Variants in GCNT2 observed in about 807,000 individuals in gnomAD.
GCNT2 encodes the protein glucosaminyl (N-acetyl) transferase 2 (I blood group), also known as N-acetyllactosaminide beta-1,6-N-acetylglucosaminyl-transferase.
GCNT2 carries 34 observed loss-of-function variants against 34.2 expected under a neutral mutation model. The observed-to-expected ratio is 1.00, with a 90% CI of 0.76 to 1.32. GCNT2 has a LOEUF of 1.32. GCNT2 is among the 40% of genes most tolerant of loss of function. The probability of loss-of-function intolerance (pLI) is 0.00; values close to 1 mark genes in which losing one functional copy is unlikely to be tolerated. For missense variants in GCNT2, 584 were observed against 489.4 expected, an observed-to-expected ratio of 1.19 and a Z score of -1.82; for synonymous variants, 212 against 188.0, an observed-to-expected ratio of 1.13 and a Z score of -1.04.
intron 3 of GCNT2, chr6:10,573,184 T>A: frequency 1.0e-5 from 10 of 982,562 alleles, no homozygotes; most frequent in Non-Finnish European, 1.2e-5. Context: ...TGGCAGCAGC[T>A]GGATTGTCAA....
At chr6:10,588,350 A>G (rs887724156) in intron 3 of GCNT2, among the ~76,000 whole-genome samples, 6 of 151,550 alleles carry the variant, frequency 4.0e-5, no homozygotes, top group Admixed American at 6.6e-5. Context: ...TTTTGTTGGT[A>G]TAGTTGGTGA....
At chr6:10,618,756 T>TC (rs397723225) in intron 3 of GCNT2, among the ~76,000 whole-genome samples, 1 of 151,774 alleles carries the variant, frequency 6.6e-6, no homozygotes, top group Admixed American at 6.6e-5. Context: ...TAGCTTCCTT[T>TC]AGATAGGCAA....
chr6:10,598,738 T>C (rs1430362784), intron 3 of GCNT2, among the ~76,000 whole-genome samples: 4 of 152,146 alleles, frequency 2.6e-5, no homozygotes, highest in Admixed American at 6.5e-5. Context: ...GCTAGTGTAG[T>C]GTATTCAGTG....
chr6:10,593,265 T>A (rs1764724308), intron 3 of GCNT2, among the ~76,000 whole-genome samples: 1 of 152,234 alleles, frequency 6.6e-6, no homozygotes, highest in Admixed American at 6.5e-5. Flanking sequence ...AGATCATTTC[T>A]CCAACTCATT....
chr6:10,542,432 AT>A (rs1401820651), intron 3 of GCNT2, among the ~76,000 whole-genome samples: 2 of 152,164 alleles, frequency 1.3e-5, no homozygotes, highest in Non-Finnish European at 2.9e-5. Context: ...CAATGTAATG[AT>A]TTTTAGTGCC....
intron 3 of GCNT2, among the ~76,000 whole-genome samples, chr6:10,618,467 T>C (rs960720704): frequency 2.6e-5 from 4 of 152,216 alleles, no homozygotes; most frequent in African/African-American, 9.6e-5. Flanking sequence ...TTATCAGTAT[T>C]AAAGAGAATG....
At chr6:10,553,179 A>G (rs866676176) in intron 3 of GCNT2, among the ~76,000 whole-genome samples, 22 of 152,336 alleles carry the variant, frequency 1.4e-4, no homozygotes, top group Middle Eastern at 3.4e-3. Flanking sequence ...CGTACATGCA[A>G]TTAAATAGAG....
chr6:10,590,338 G>A (rs948956755), intron 3 of GCNT2, among the ~76,000 whole-genome samples: 1 of 151,196 alleles, frequency 6.6e-6, no homozygotes, highest in African/African-American at 2.4e-5. Context: ...AATCAAGGCT[G>A]CAGTGAGCAT....
At chr6:10,577,864 G>T (rs1763890574) in intron 3 of GCNT2, among the ~76,000 whole-genome samples, 1 of 151,918 alleles carries the variant, frequency 6.6e-6, no homozygotes, top group Non-Finnish European at 1.5e-5. Context: ...TAAAGCAAAC[G>T]CCAGGTCATT....
At chr6:10,563,777 AATATATATATATATAT>A (rs70991026) in intron 3 of GCNT2, among the ~76,000 whole-genome samples, 3 of 24,708 alleles carry the variant, frequency 1.2e-4, no homozygotes, top group African/African-American at 3.9e-4. Flanking sequence ...AAAAAAAAAA[AATATATATATATATAT>A]ATATATATAT....
At chr6:10,524,844 A>G (rs1761111757) in intron 1 of GCNT2, among the ~76,000 whole-genome samples, 2 of 139,034 alleles carry the variant, frequency 1.4e-5, no homozygotes, top group Non-Finnish European at 3.1e-5. Flanking sequence ...CCCCCAAAAA[A>G]AAGAAAAGGA....
chr6:10,582,241 TA>T (rs1375014844), intron 3 of GCNT2, among the ~76,000 whole-genome samples: 1 of 119,774 alleles, frequency 8.3e-6, no homozygotes, highest in Non-Finnish European at 1.6e-5. Flanking sequence ...TTTAAATATA[TA>T]AAATATATAT....
chr6:10,541,399 T>C (rs1467101376), intron 3 of GCNT2, among the ~76,000 whole-genome samples: 2 of 152,226 alleles, frequency 1.3e-5, no homozygotes, highest in South Asian at 4.1e-4. Context: ...ACATTTTCTT[T>C]ATCCAGTCTA....
At chr6:10,567,648 C>T (rs1488775553) in intron 3 of GCNT2, among the ~76,000 whole-genome samples, 1 of 152,116 alleles carries the variant, frequency 6.6e-6, no homozygotes, top group Admixed American at 6.6e-5. Flanking sequence ...CTAATAATTG[C>T]CAGAGCCAGG....
intron 3 of GCNT2, chr6:10,556,666 C>T (rs890733070): frequency 1.2e-6 from 2 of 1,614,196 alleles, no homozygotes; most frequent in Admixed American, 3.3e-5. Context: ...AGAGCCACTA[C>T]ATCACAGCCC....
chr6:10,581,652 A>T, intron 3 of GCNT2: 13 of 611,218 alleles, frequency 2.1e-5, no homozygotes, highest in Non-Finnish European at 2.7e-5. Context: ...TGGCTACATC[A>T]TGTTGAAAGA....
intron 3 of GCNT2, among the ~76,000 whole-genome samples, chr6:10,554,820 T>C (rs1762622389): frequency 6.6e-6 from 1 of 152,130 alleles, no homozygotes; most frequent in African/African-American, 2.4e-5. Context: ...GTGGGTTATA[T>C]AGAGAGTTTA....
chr6:10,593,147 T>A (rs985951490), intron 3 of GCNT2, among the ~76,000 whole-genome samples: 3 of 152,212 alleles, frequency 2.0e-5, no homozygotes, highest in Non-Finnish European at 4.4e-5. Context: ...AATATTGAAT[T>A]AAGTATAAGT....
intron 3 of GCNT2, among the ~76,000 whole-genome samples, chr6:10,607,008 G>C (rs542217400): frequency 6.6e-6 from 1 of 151,808 alleles, no homozygotes; most frequent in African/African-American, 2.4e-5. Context: ...GTGCAATGGC[G>C]TGACCTCGGC....
Sources: gnomAD v4.1 joint callset for allele counts (sites outside exome capture counted in the v4.1 genomes callset) on GRCh38, gnomAD v4.1.1 for gene constraint, MANE v1.5 for transcripts, NCBI Gene and HGNC (gene_info 2026-07-23, HGNC 2026-07-21) for gene names.